EDA: variants seen among roughly 807,000 people sequenced by gnomAD.
EDA encodes the protein ectodysplasin-A.
Under a neutral mutation model 23.6 loss-of-function variants are expected in EDA, and 2 were observed. That is an observed-to-expected ratio of 0.08 (90% confidence interval 0.03 to 0.27). The LOEUF (loss-of-function observed/expected upper bound fraction) is 0.27, where lower values mean the gene tolerates loss of function less well. Ranked by LOEUF, EDA falls within the 10% of genes least tolerant of loss-of-function variation. The pLI, the probability that EDA is intolerant of heterozygous loss-of-function variation, is 1.00. For synonymous variants in EDA, 131 were observed against 132.0 expected (o/e 0.99, Z 0.05); for missense variants, 229 against 324.2 (o/e 0.71, Z 2.26).
chrX:70,028,136 G>A (rs1384941367), intron 4 of EDA, 100 bp downstream of exon 4: 5 of 1,135,127 alleles, frequency 4.4e-6, no homozygotes, highest in Admixed American at 5.7e-5. Flanking sequence ...GTGGAGATGG[G>A]GTTGGTGTGC....
intron 2 of EDA, among the ~76,000 whole-genome samples, chrX:69,965,375 C>T (rs1054562891): frequency 4.5e-5 from 5 of 111,573 alleles, no homozygotes; most frequent in African/African-American, 6.5e-5. Flanking sequence ...CTTTGGAATC[C>T]ATTTTATGGA....
intron 1 of EDA, among the ~76,000 whole-genome samples, chrX:69,886,635 GC>G (rs1177277177): frequency 9.0e-6 from 1 of 110,731 alleles, no homozygotes; most frequent in Non-Finnish European, 1.9e-5. Context: ...CCATCTGTGG[GC>G]CCTGAATTGG....
At chrX:69,712,170 G>A (rs1262833585) in intron 1 of EDA, among the ~76,000 whole-genome samples, 3 of 110,769 alleles carry the variant, frequency 2.7e-5, no homozygotes, top group Non-Finnish European at 5.7e-5. Context: ...CTTTGAATGT[G>A]TCCCAGAGAT....
At chrX:69,798,970 C>A (rs778504201) in intron 1 of EDA, among the ~76,000 whole-genome samples, 190 of 111,240 alleles carry the variant, frequency 1.7e-3, no homozygotes, top group Middle Eastern at 4.7e-3. Flanking sequence ...CTATAGTAAC[C>A]AAAACAACAT....
At chrX:70,027,426 A>G (rs1471270568) in intron 3 of EDA, among the ~76,000 whole-genome samples, 1 of 111,820 alleles carries the variant, frequency 8.9e-6, no homozygotes, top group East Asian at 2.8e-4. Flanking sequence ...ATGTGTGATA[A>G]AGGTATCCAA....
At chrX:69,807,402 A>G (rs1276515411) in intron 1 of EDA, among the ~76,000 whole-genome samples, 1 of 100,445 alleles carries the variant, frequency 1.0e-5, no homozygotes, top group African/African-American at 3.7e-5. Context: ...GAAGATGATT[A>G]TAGTTGAATT....
chrX:69,722,331 G>A (rs772444435), intron 1 of EDA, among the ~76,000 whole-genome samples: 34 of 109,070 alleles, frequency 3.1e-4, no homozygotes, highest in East Asian at 2.3e-3. Context: ...TCAGCCTCCC[G>A]AGTAGCTTGG....
In EDA at chrX:69,711,004, C is replaced by T. The variant is rs768904122; in HGVS notation, c.396+94300C>T. Among the ~76,000 whole-genome samples, 17 of 111,294 alleles carry T rather than the reference C, an allele frequency of 1.5e-4. No homozygotes were observed. In the South Asian group the frequency reaches 5.0e-3, roughly 32 times the overall value. The stretch of plus-strand genomic sequence containing the variant: ...TTTATTTCCTTCTCCTGCCTGATTG[C>T]CCTGGCCAGAACTTCCAACACTATG... On this transcript the variant is annotated intron_variant, in intron 1 of 7. Transcript: ENST00000374552.
At chrX:69,816,593 A>C (rs772008477) in intron 1 of EDA, among the ~76,000 whole-genome samples, 41 of 111,880 alleles carry the variant, frequency 3.7e-4, no homozygotes, top group African/African-American at 1.3e-3. Flanking sequence ...CAGAGGAAAG[A>C]ATCTCAGAGC....
At chrX:69,618,661 C>G (rs1932069237) in intron 1 of EDA, among the ~76,000 whole-genome samples, 1 of 111,231 alleles carries the variant, frequency 9.0e-6, no homozygotes, top group African/African-American at 3.3e-5. Flanking sequence ...CCTCCTGGGA[C>G]CTTTTGCGAG....
intron 1 of EDA, among the ~76,000 whole-genome samples, chrX:69,906,749 A>G (rs1244625558): frequency 9.0e-6 from 1 of 111,571 alleles, no homozygotes; most frequent in African/African-American, 3.3e-5. Flanking sequence ...GCACACACAC[A>G]TACACGCACG....
At chrX:69,689,106 T>G (rs1934629332) in intron 1 of EDA, among the ~76,000 whole-genome samples, 1 of 111,858 alleles carries the variant, frequency 8.9e-6, no homozygotes, top group East Asian at 2.8e-4. Context: ...TCCATTAATC[T>G]ATATGTCTGT....
chrX:69,656,267 C>T (rs1460724510), intron 1 of EDA, among the ~76,000 whole-genome samples: 1 of 111,273 alleles, frequency 9.0e-6, no homozygotes, highest in African/African-American at 3.3e-5. Context: ...AAATCTCTGT[C>T]ACATACTTTT....
chrX:69,634,479 AT>A (rs1201121705), intron 1 of EDA, among the ~76,000 whole-genome samples: 1 of 109,549 alleles, frequency 9.1e-6, no homozygotes, highest in Non-Finnish European at 1.9e-5. Flanking sequence ...TGCCCGGATA[AT>A]TTTTTTATTA....
chrX:69,789,810 G>T (rs2015346296), intron 1 of EDA, among the ~76,000 whole-genome samples: 1 of 112,012 alleles, frequency 8.9e-6, no homozygotes, highest in African/African-American at 3.2e-5. Flanking sequence ...GTAGATAGGT[G>T]ATCTACTAAT....
chrX:69,677,742 A>C (rs757327848), intron 1 of EDA, among the ~76,000 whole-genome samples: 1 of 111,621 alleles, frequency 9.0e-6, no homozygotes, highest in African/African-American at 3.3e-5. Context: ...TCAGATGAGT[A>C]GGTTGTGAAA....
At chrX:69,962,683 G>A (rs1050681737) in intron 2 of EDA, among the ~76,000 whole-genome samples, 10 of 111,059 alleles carry the variant, frequency 9.0e-5, no homozygotes, top group African/African-American at 2.6e-4. Context: ...CTCACGCCTC[G>A]GCCTCCCAAA....
chrX:69,907,602 A>T (rs765553825), intron 1 of EDA, among the ~76,000 whole-genome samples: 4 of 110,455 alleles, frequency 3.6e-5, no homozygotes, highest in Non-Finnish European at 7.6e-5. Flanking sequence ...AGAGCCTTGT[A>T]AAAAAAAATG....
At chrX:69,822,841 T>G in intron 1 of EDA, among the ~76,000 whole-genome samples, 1 of 55,736 alleles carries the variant, frequency 1.8e-5, no homozygotes, top group African/African-American at 7.3e-5. Context: ...ATGCTATCCC[T>G]CCCCCCTCCC....
Sources: gnomAD v4.1 joint callset for allele counts (sites outside exome capture counted in the v4.1 genomes callset) on GRCh38, gnomAD v4.1.1 for gene constraint, MANE v1.5 for transcripts, NCBI Gene and HGNC (gene_info 2026-07-23, HGNC 2026-07-21) for gene names.